The following ADCY8 variants were observed in gnomAD, a reference collection of about 807,000 sequenced individuals.
ADCY8 encodes adenylate cyclase 8, also known as adenylate cyclase type 8.
ADCY8 carries 51 observed loss-of-function variants against 119.7 expected under a neutral mutation model. The ratio of observed to expected loss-of-function variants is 0.43; its 90% CI spans 0.34 to 0.54. The LOEUF is 0.54. Among genes scored for constraint, ADCY8 ranks in the 20% least tolerant of loss-of-function variants. The pLI, the probability that ADCY8 is intolerant of heterozygous loss-of-function variation, is 0.03. For synonymous variants in ADCY8, 665 were observed against 651.0 expected (o/e 1.02, Z -0.33); for missense variants, 1,383 against 1,598.8 (o/e 0.87, Z 2.30).
chr8:131,039,809 C>A lies in ADCY8; in HGVS notation c.525G>T (p.Leu175Phe). 2 of 1,614,178 alleles carry A rather than the reference C, an allele frequency of 1.2e-6. No individual in the cohort carries two copies. Residue 175 changes from leucine to phenylalanine, a missense_variant, in exon 1 of 18, where the codon TTG becomes TTT. Coordinates refer to ENST00000286355, the MANE Select transcript of ADCY8 (RefSeq NM_001115.3). ...DLERLYQRYF[L>F]GQRRKSEVVM... ...CCACTTCCGATTTGCGCCTTTGGCC[C>A]AAGAAATAGCGCTGGTAGAGGCGTT... is the stretch of plus-strand genomic sequence containing the variant.
At chr8:130,848,382 G>T (rs528310745) in intron 10 of ADCY8, among the ~76,000 whole-genome samples, 77 of 152,310 alleles carry the variant, frequency 5.1e-4, no homozygotes, top group Admixed American at 2.6e-3. Context: ...GTGATCAATT[G>T]ATCCCATGTA....
intron 5 of ADCY8, among the ~76,000 whole-genome samples, chr8:130,911,608 T>A (rs896132216): frequency 6.8e-5 from 2 of 29,288 alleles, no homozygotes; most frequent in Admixed American, 5.3e-4. Flanking sequence ...TTTAAAATTT[T>A]AAATTTTAAA....
chr8:130,963,714 T>C (rs1342582633), intron 2 of ADCY8, among the ~76,000 whole-genome samples: 1 of 151,990 alleles, frequency 6.6e-6, no homozygotes, highest in Non-Finnish European at 1.5e-5. Context: ...GCTAGAGATG[T>C]GGGAAGGCAA....
At chr8:131,027,566 C>A (rs954823780) in intron 1 of ADCY8, among the ~76,000 whole-genome samples, 4 of 152,116 alleles carry the variant, frequency 2.6e-5, no homozygotes, top group African/African-American at 9.7e-5. Context: ...TGTGGACAGA[C>A]CCCAGCAATG....
chr8:130,968,403 C>T (rs777703790), intron 2 of ADCY8, among the ~76,000 whole-genome samples: 3 of 152,174 alleles, frequency 2.0e-5, no homozygotes, highest in Non-Finnish European at 4.4e-5. Context: ...GATCTCCTGA[C>T]CTCGTGATCT....
At chr8:131,034,801 G>A (rs1337505472) in intron 1 of ADCY8, among the ~76,000 whole-genome samples, 4 of 152,052 alleles carry the variant, frequency 2.6e-5, no homozygotes, top group Admixed American at 6.6e-5. Context: ...CCCCAAGAGG[G>A]AACCATAATG....
chr8:130,838,187 T>A (rs1397142229), intron 11 of ADCY8, among the ~76,000 whole-genome samples: 1 of 152,094 alleles, frequency 6.6e-6, no homozygotes, highest in Admixed American at 6.5e-5. Context: ...GTGTGGAGAG[T>A]GTCCTGACTG....
chr8:130,788,031 TG>T (rs1190801203), intron 15 of ADCY8, among the ~76,000 whole-genome samples: 2 of 152,256 alleles, frequency 1.3e-5, no homozygotes, highest in Non-Finnish European at 2.9e-5. Flanking sequence ...CATATTGGCT[TG>T]GTGTTATGCA....
At chr8:130,933,623 T>C (rs1376250201) in intron 5 of ADCY8, among the ~76,000 whole-genome samples, 1 of 152,212 alleles carries the variant, frequency 6.6e-6, no homozygotes, top group Non-Finnish European at 1.5e-5. Context: ...TATCAACAGA[T>C]TTTGATTCAT....
intron 16 of ADCY8, among the ~76,000 whole-genome samples, chr8:130,784,037 C>G (rs1440894251): frequency 6.6e-6 from 1 of 151,358 alleles, no homozygotes; most frequent in East Asian, 1.9e-4. Flanking sequence ...TTCCTTCTTC[C>G]ACATCTACAC....
At chr8:130,973,202 A>G (rs4736464) in intron 2 of ADCY8, among the ~76,000 whole-genome samples, 149,506 of 152,310 alleles carry the variant, frequency 0.98, 73,377 homozygotes, top group East Asian at 1. Flanking sequence ...AGGGAGTCAC[A>G]GACAACCCAA....
intron 5 of ADCY8, among the ~76,000 whole-genome samples, chr8:130,922,416 C>T (rs951199933): frequency 1.3e-5 from 2 of 151,770 alleles, no homozygotes; most frequent in Admixed American, 6.6e-5. Flanking sequence ...TGACTCTTAA[C>T]GAGCATGCTG....
At chr8:130,800,648 A>G (rs1815747549) in intron 14 of ADCY8, 76 bp from the exon 15 acceptor site, 1 of 1,499,764 alleles carries the variant, frequency 6.7e-7, no homozygotes, top group Non-Finnish European at 9.2e-7. Context: ...CTGTGCACAC[A>G]TGTGGGTACA....
intron 15 of ADCY8, among the ~76,000 whole-genome samples, chr8:130,798,108 T>C (rs878890135): frequency 1.3e-5 from 2 of 152,192 alleles, no homozygotes; most frequent in Non-Finnish European, 2.9e-5. Flanking sequence ...ATGATATATA[T>C]TGAAAATGCT....
chr8:130,926,454 T>A (rs1372144420), intron 5 of ADCY8, among the ~76,000 whole-genome samples: 1 of 152,212 alleles, frequency 6.6e-6, no homozygotes, highest in African/African-American at 2.4e-5. Context: ...TAAAAAATAT[T>A]TTTTATTTTA....
At chr8:130,855,454 A>T (rs116519193) in intron 9 of ADCY8, among the ~76,000 whole-genome samples, 2 of 151,954 alleles carry the variant, frequency 1.3e-5, no homozygotes, top group African/African-American at 2.4e-5. Flanking sequence ...GCTGTATTTC[A>T]GTTATGGGCT....
intron 5 of ADCY8, among the ~76,000 whole-genome samples, chr8:130,916,478 A>G (rs1820132760): frequency 6.6e-6 from 1 of 152,196 alleles, no homozygotes; most frequent in Admixed American, 6.5e-5. Context: ...CTGCTTCTTA[A>G]AATGTTTGAA....
At chr8:130,878,107 A>G (rs1563708185) in intron 8 of ADCY8, among the ~76,000 whole-genome samples, 1 of 152,148 alleles carries the variant, frequency 6.6e-6, no homozygotes, top group Non-Finnish European at 1.5e-5. Flanking sequence ...AGACAATCAT[A>G]CTCATTTCGA....
intron 8 of ADCY8, among the ~76,000 whole-genome samples, chr8:130,875,983 A>G (rs139035095): frequency 6.6e-6 from 1 of 152,208 alleles, no homozygotes; most frequent in Non-Finnish European, 1.5e-5. Flanking sequence ...TCATAATATA[A>G]AACTGGCAAA....
Sources: gnomAD v4.1 joint callset for allele counts (sites outside exome capture counted in the v4.1 genomes callset) on GRCh38, gnomAD v4.1.1 for gene constraint, MANE v1.5 for transcripts, NCBI Gene and HGNC (gene_info 2026-07-23, HGNC 2026-07-21) for gene names.